The following RAB38 variants were observed in gnomAD, a reference collection of about 807,000 sequenced individuals.
RAB38 encodes ras-related protein Rab-38.
A neutral mutation model predicts 18.4 loss-of-function variants in RAB38; 15 were observed. That is an observed-to-expected ratio of 0.82 (90% CI 0.55 to 1.26). RAB38 has a LOEUF of 1.26. Among genes scored for constraint, RAB38 ranks in the 50% most tolerant of loss-of-function variants. RAB38 has a pLI of 0.00. For missense variants in RAB38, 294 were observed against 267.4 expected (o/e 1.10, Z -0.69); for synonymous variants, 101 against 104.4 (o/e 0.97, Z 0.20).
chr11:88,094,033 GA>G, the RAB38 span, among the ~76,000 whole-genome samples: 1 of 151,856 alleles, frequency 6.6e-6, no homozygotes, highest in African/African-American at 2.4e-5. Context: ...CAGCTTTAAT[GA>G]TGTGTTTTCT....
At chr11:88,162,926 C>A (rs1943203835) in intron 1 of RAB38, among the ~76,000 whole-genome samples, 1 of 152,120 alleles carries the variant, frequency 6.6e-6, no homozygotes, top group Non-Finnish European at 1.5e-5. Flanking sequence ...TCCTCTCCAT[C>A]ATCCTTCACC....
the RAB38 span, among the ~76,000 whole-genome samples, chr11:87,878,678 TTTATTTCATG>T: frequency 6.6e-6 from 1 of 151,714 alleles, no homozygotes; most frequent in South Asian, 2.1e-4. Context: ...TCAGCTTCTC[TTTATTTCATG>T]TAATACCACA....
the RAB38 span, among the ~76,000 whole-genome samples, chr11:87,905,481 T>A: frequency 6.6e-6 from 1 of 151,920 alleles, no homozygotes; most frequent in Non-Finnish European, 1.5e-5. Context: ...AAGATTGGAT[T>A]TGATACTTGC....
the RAB38 span, among the ~76,000 whole-genome samples, chr11:87,822,187 A>G: frequency 4.7e-4 from 72 of 152,310 alleles, 1 homozygote; most frequent in Middle Eastern, 0.01. Context: ...AGATAAGTAG[A>G]AAGCACAAAA....
chr11:87,845,654 A>G, the RAB38 span, among the ~76,000 whole-genome samples: 1 of 152,136 alleles, frequency 6.6e-6, no homozygotes, highest in Non-Finnish European at 1.5e-5. Flanking sequence ...AATGCTTTCA[A>G]GCTTTCATAA....
At chr11:87,957,960 C>G in the RAB38 span, among the ~76,000 whole-genome samples, 8 of 152,150 alleles carry the variant, frequency 5.3e-5, no homozygotes, top group Admixed American at 2.6e-4. Context: ...CCAAATATCA[C>G]TTTCCAAATA....
the RAB38 span, among the ~76,000 whole-genome samples, chr11:88,096,364 C>A: frequency 6.6e-6 from 1 of 151,786 alleles, no homozygotes; most frequent in Non-Finnish European, 1.5e-5. Context: ...TCAATTCCCC[C>A]GGTTCTCTGC....
the RAB38 span, among the ~76,000 whole-genome samples, chr11:87,848,235 T>A: frequency 1.1e-4 from 16 of 152,242 alleles, no homozygotes; most frequent in African/African-American, 3.9e-4. Flanking sequence ...GTAGAGGATG[T>A]TCCAAAGGAC....
chr11:87,831,684 T>C, the RAB38 span, among the ~76,000 whole-genome samples: 4 of 152,292 alleles, frequency 2.6e-5, no homozygotes, highest in East Asian at 7.7e-4. Flanking sequence ...ACTGGTACCT[T>C]GGAAGCTTGG....
chr11:87,862,784 T>A, the RAB38 span, among the ~76,000 whole-genome samples: 5 of 151,828 alleles, frequency 3.3e-5, no homozygotes, highest in Admixed American at 6.6e-5. Context: ...ACAATTTTTT[T>A]AAAAAAGATA....
the RAB38 span, among the ~76,000 whole-genome samples, chr11:87,862,821 C>G: frequency 1.3e-5 from 2 of 151,664 alleles, no homozygotes; most frequent in Non-Finnish European, 2.9e-5. Flanking sequence ...TTATCACTTA[C>G]AAAAGTGTCT....
chr11:87,910,628 A>ATTTTTTT, the RAB38 span, among the ~76,000 whole-genome samples: 7 of 74,194 alleles, frequency 9.4e-5, no homozygotes, highest in African/African-American at 4.2e-4. Context: ...TTCAAAGTTC[A>ATTTTTTT]TTTTCTTTTT....
intron 1 of RAB38, among the ~76,000 whole-genome samples, chr11:88,170,425 T>C (rs760623866): frequency 2.0e-5 from 3 of 152,208 alleles, no homozygotes; most frequent in Non-Finnish European, 2.9e-5. Flanking sequence ...CTTGAAGAAA[T>C]AGTCTTTCAG....
chr11:87,920,163 T>C, the RAB38 span, among the ~76,000 whole-genome samples: 1 of 152,056 alleles, frequency 6.6e-6, no homozygotes. Context: ...CTGATCTTTA[T>C]TATTTTCTTC....
the RAB38 span, among the ~76,000 whole-genome samples, chr11:88,037,811 G>T: frequency 6.6e-6 from 1 of 151,944 alleles, no homozygotes; most frequent in African/African-American, 2.4e-5. Context: ...ATAATAACTT[G>T]CATATACTTT....
chr11:87,874,567 G>A, the RAB38 span, among the ~76,000 whole-genome samples: 1 of 151,062 alleles, frequency 6.6e-6, no homozygotes, highest in African/African-American at 2.4e-5. Flanking sequence ...GTTAATGGGT[G>A]CAGCACACCA....
the RAB38 span, among the ~76,000 whole-genome samples, chr11:87,930,445 A>G: frequency 6.6e-6 from 1 of 151,958 alleles, no homozygotes; most frequent in Non-Finnish European, 1.5e-5. Flanking sequence ...GTTTGAGTTC[A>G]TTGTAGATTC....
the RAB38 span, among the ~76,000 whole-genome samples, chr11:87,821,717 G>C: frequency 5.3e-3 from 810 of 152,052 alleles, 5 homozygotes; most frequent in Non-Finnish European, 8.5e-3. Flanking sequence ...TGGGCATGGT[G>C]GTGGGTACCT....
At chr11:87,960,338 G>A in the RAB38 span, among the ~76,000 whole-genome samples, 10 of 146,904 alleles carry the variant, frequency 6.8e-5, no homozygotes, top group African/African-American at 2.3e-4. Flanking sequence ...CACAGTTTGA[G>A]TATCACTGAC....
Sources: allele counts gnomAD v4.1 joint callset (sites outside exome capture counted in the v4.1 genomes callset), GRCh38; gene constraint gnomAD v4.1.1; transcripts MANE v1.5; gene names NCBI Gene and HGNC (gene_info 2026-07-23, HGNC 2026-07-21).